DPH6: variants seen among roughly 807,000 people sequenced by gnomAD.
DPH6 encodes the protein diphthine--ammonia ligase.
DPH6 carries 33 observed loss-of-function variants against 38.2 expected under a neutral mutation model. The observed-to-expected ratio is 0.86, with a 90% CI of 0.65 to 1.15. The LOEUF is 1.15. DPH6 is among the 50% of genes most tolerant of loss of function. The pLI, the probability that DPH6 is intolerant of heterozygous loss-of-function variation, is 0.00. For synonymous variants in DPH6, 108 were observed against 103.0 expected (o/e 1.05, Z -0.30); for missense variants, 325 against 320.0 (o/e 1.02, Z -0.12).
intron 6 of DPH6, among the ~76,000 whole-genome samples, chr15:35,393,034 T>A (rs527343086): frequency 1.3e-5 from 2 of 152,292 alleles, no homozygotes; most frequent in South Asian, 4.2e-4. Context: ...CCATGCTAAG[T>A]CATTATCCTA....
chr15:35,461,900 T>C (rs1787806430), intron 3 of DPH6, among the ~76,000 whole-genome samples: 2 of 152,178 alleles, frequency 1.3e-5, no homozygotes, highest in Admixed American at 1.3e-4. Context: ...TTGGATATCC[T>C]AGGTAAAACA....
intron 3 of DPH6, among the ~76,000 whole-genome samples, chr15:35,332,433 T>C (rs545022072): frequency 3.7e-4 from 56 of 152,206 alleles, no homozygotes; most frequent in Non-Finnish European, 2.8e-4. Context: ...TTTGATCAGT[T>C]TTATTCCTTT....
At position 35,484,684 on chromosome 15, in the gene DPH6, TCA is replaced by T. The variant is rs374258723; in HGVS notation, c.313-29866_313-29865del. Reference sequence around the variant, plus strand: ...AGAAACACTTTTTTGTAACCTAATCTCAGAGTGGAATTTCATCACATCTTCTG... The same window carrying T: ...AGAAACACTTTTTTGTAACCTAATCTGAGTGGAATTTCATCACATCTTCTG... On this transcript the variant is annotated intron_variant, in intron 3 of 8. Transcript: ENST00000256538. Among the ~76,000 whole-genome samples, 50 of 152,198 alleles carry T rather than the reference TCA, an allele frequency of 3.3e-4. 1 individual carries two copies. In the East Asian group the frequency reaches 9.5e-3, roughly 29 times the overall value.
chr15:35,431,968 A>C (rs2053638213), intron 5 of DPH6, among the ~76,000 whole-genome samples: 1 of 152,120 alleles, frequency 6.6e-6, no homozygotes, highest in African/African-American at 2.4e-5. Context: ...CACTTGGCAA[A>C]CTTTTGACAA....
chr15:35,292,949 ATTATAT>A (rs1364442645), intron 3 of DPH6, among the ~76,000 whole-genome samples: 5 of 152,162 alleles, frequency 3.3e-5, no homozygotes, highest in African/African-American at 1.2e-4. Context: ...TACAAGCATA[ATTATAT>A]TTAGTTTCTT....
intron 3 of DPH6, among the ~76,000 whole-genome samples, chr15:35,279,134 G>C (rs1191715285): frequency 6.7e-6 from 1 of 149,650 alleles, no homozygotes; most frequent in African/African-American, 2.5e-5. Context: ...TTTCAGACTT[G>C]TGTGGGGCCT....
At chr15:35,463,578 G>C (rs1164792760) in intron 3 of DPH6, among the ~76,000 whole-genome samples, 1 of 152,106 alleles carries the variant, frequency 6.6e-6, no homozygotes, top group Non-Finnish European at 1.5e-5. Context: ...CGAAGCAAAT[G>C]TTCATAAAGT....
intron 6 of DPH6, among the ~76,000 whole-genome samples, chr15:35,385,007 A>G (rs1213380222): frequency 6.6e-6 from 1 of 152,218 alleles, no homozygotes; most frequent in Non-Finnish European, 1.5e-5. Context: ...GCCAACAAAC[A>G]TATGAAAAAA....
intron 3 of DPH6, among the ~76,000 whole-genome samples, chr15:35,501,457 T>A (rs759693280): frequency 2.0e-5 from 3 of 152,130 alleles, no homozygotes; most frequent in Admixed American, 6.6e-5. Flanking sequence ...CCATAAAAGA[T>A]GAAAACCACA....
intron 3 of DPH6, among the ~76,000 whole-genome samples, chr15:35,252,102 C>G (rs1430654844): frequency 6.6e-6 from 1 of 152,200 alleles, no homozygotes; most frequent in Non-Finnish European, 1.5e-5. Context: ...GCCTGGGCAA[C>G]AAGAGCCAGA....
At chr15:35,456,356 A>ATTATAT (rs2053996337) in intron 3 of DPH6, among the ~76,000 whole-genome samples, 1 of 151,562 alleles carries the variant, frequency 6.6e-6, no homozygotes, top group African/African-American at 2.4e-5. Context: ...ATAATGAAGT[A>ATTATAT]CTAAATATTA....
intron 5 of DPH6, among the ~76,000 whole-genome samples, chr15:35,415,820 T>A (rs78861926): frequency 0.027 from 4,080 of 151,958 alleles, 93 homozygotes; most frequent in African/African-American, 0.061. Context: ...TAGAGAAAAA[T>A]TTTCAACCAT....
exon 4 of DPH6, chr15:35,220,335 G>C (rs1357049458): frequency 4.6e-5 from 7 of 152,172 alleles, no homozygotes; most frequent in Non-Finnish European, 7.3e-5. Flanking sequence ...TAGTGTAGTA[G>C]ATTTGTTACA....
the DPH6 span, among the ~76,000 whole-genome samples, chr15:35,161,593 GAAGTAATTA>G: frequency 6.6e-6 from 1 of 151,944 alleles, no homozygotes; most frequent in Non-Finnish European, 1.5e-5. Context: ...GAGCTTTTGG[GAAGTAATTA>G]AGGTTAGACA....
At chr15:35,156,868 A>C in the DPH6 span, among the ~76,000 whole-genome samples, 49 of 152,308 alleles carry the variant, frequency 3.2e-4, no homozygotes, top group Non-Finnish European at 5.1e-4. Flanking sequence ...GAACTTTCTG[A>C]GCACCACAGC....
chr15:35,401,639 A>AGGAAACTTTGGAGGC, intron 6 of DPH6: 1 of 754,852 alleles, frequency 1.3e-6, no homozygotes, highest in Non-Finnish European at 2.4e-6. Context: ...CCATGAAGGT[A>AGGAAACTTTGGAGGC]GGAAACTTTG....
At chr15:35,308,883 C>T (rs1000664099) in intron 3 of DPH6, among the ~76,000 whole-genome samples, 2 of 152,136 alleles carry the variant, frequency 1.3e-5, no homozygotes, top group Non-Finnish European at 2.9e-5. Context: ...AGAGTGAGAA[C>T]GGACATTCAA....
chr15:35,425,783 T>C (rs2053562298), intron 5 of DPH6, among the ~76,000 whole-genome samples: 1 of 145,170 alleles, frequency 6.9e-6, no homozygotes, highest in African/African-American at 2.6e-5. Context: ...CCTTTCCATG[T>C]ATATCATATA....
chr15:35,285,871 A>ATTTTTTTTTTTTTTTTTTTTTTT (rs1566859769), intron 3 of DPH6, among the ~76,000 whole-genome samples: 1 of 2,858 alleles, frequency 3.5e-4, no homozygotes. Context: ...TTTATCTTTG[A>ATTTTTTTTTTTTTTTTTTTTTTT]GTTTTTTTTT....
Sources: allele counts gnomAD v4.1 joint callset (sites outside exome capture counted in the v4.1 genomes callset), GRCh38; gene constraint gnomAD v4.1.1; transcripts MANE v1.5; gene names NCBI Gene and HGNC (gene_info 2026-07-23, HGNC 2026-07-21).